The following AP3B1 variants were observed in gnomAD, a reference collection of about 807,000 sequenced individuals.
The protein encoded by AP3B1 is AP-3 complex subunit beta-1.
AP3B1 carries 61 observed loss-of-function variants against 132.5 expected under a neutral mutation model. The ratio of observed to expected loss-of-function variants is 0.46; its 90% confidence interval spans 0.37 to 0.57. The LOEUF is 0.57. Among genes scored for constraint, AP3B1 ranks in the 20% least tolerant of loss-of-function variants. The pLI is 0.00. For missense variants in AP3B1, 1,120 were observed against 1,289.4 expected (o/e 0.87, Z 2.01); for synonymous variants, 388 against 438.3 (o/e 0.89, Z 1.43).
At chr5:78,205,180 T>G (rs1340666783) in intron 7 of AP3B1, among the ~76,000 whole-genome samples, 1 of 152,044 alleles carries the variant, frequency 6.6e-6, no homozygotes, top group Non-Finnish European at 1.5e-5. Context: ...AAGATACAAT[T>G]TTTAAAATTA....
In AP3B1 at chr5:78,113,839, G is replaced by C. The variant is rs2112260253; in HGVS notation, c.2162C>G (p.Ser721Cys). ...DSNEDSSEDS[S>C]SEQDSESGRE... Reference sequence around the variant, plus strand: ...TCCACTCTCACTGTCCTGCTCACTGGAGGAGTCCTCACTGCTGTCCTCATT... The same window carrying C: ...TCCACTCTCACTGTCCTGCTCACTGCAGGAGTCCTCACTGCTGTCCTCATT... Residue 721 changes from serine (S) to cysteine (C), a missense_variant, in exon 19 of 27, where the codon TCC (serine) becomes TGC (cysteine). This residue lies in a region of AP3B1 where 906 missense variants were observed against 997.1 expected (regional missense o/e 0.91). Transcript: ENST00000255194. 8 of 1,614,118 alleles carry C rather than the reference G, an allele frequency of 5.0e-6. No individual in the cohort carries two copies. Among genetic ancestry groups the C allele is most frequent in the African/African-American group, 1.3e-5 (1 of 75,016 alleles).
At chr5:78,287,874 C>T (rs947521495) in intron 1 of AP3B1, among the ~76,000 whole-genome samples, 1 of 151,904 alleles carries the variant, frequency 6.6e-6, no homozygotes, top group African/African-American at 2.4e-5. Context: ...CAAGACAGAT[C>T]AGTTATCAAA....
chr5:78,062,384 G>T (rs773603843), intron 22 of AP3B1, among the ~76,000 whole-genome samples: 1 of 151,866 alleles, frequency 6.6e-6, no homozygotes, highest in Non-Finnish European at 1.5e-5. Flanking sequence ...TATCTCTTTG[G>T]GGTGGCCAGT....
At chr5:78,288,199 G>T (rs911773812) in intron 1 of AP3B1, among the ~76,000 whole-genome samples, 1 of 152,104 alleles carries the variant, frequency 6.6e-6, no homozygotes, top group African/African-American at 2.4e-5. Flanking sequence ...TTTTCAATAG[G>T]TATGCCACAC....
intron 7 of AP3B1, among the ~76,000 whole-genome samples, chr5:78,191,569 C>G (rs569646469): frequency 6.6e-6 from 1 of 152,032 alleles, no homozygotes; most frequent in South Asian, 2.1e-4. Flanking sequence ...CAGATAAAAG[C>G]CCAGCTTAAA....
intron 22 of AP3B1, among the ~76,000 whole-genome samples, chr5:78,045,725 C>T (rs1339311711): frequency 6.6e-6 from 1 of 152,098 alleles, no homozygotes; most frequent in Non-Finnish European, 1.5e-5. Context: ...TTCTTGACTT[C>T]ATATTTTATA....
At chr5:78,052,994 A>G (rs1286593300) in intron 22 of AP3B1, among the ~76,000 whole-genome samples, 6 of 152,240 alleles carry the variant, frequency 3.9e-5, no homozygotes, top group African/African-American at 1.2e-4. Context: ...GTAACTGGTT[A>G]TAACAAATTT....
intron 1 of AP3B1, among the ~76,000 whole-genome samples, chr5:78,284,916 C>T (rs1016694616): frequency 1.3e-5 from 2 of 152,170 alleles, no homozygotes; most frequent in African/African-American, 2.4e-5. Context: ...CATTCCTCTC[C>T]AAGTGCTGCT....
intron 22 of AP3B1, among the ~76,000 whole-genome samples, chr5:78,072,453 T>C (rs1347945788): frequency 2.6e-5 from 4 of 152,202 alleles, no homozygotes. Flanking sequence ...GTATCGCTTT[T>C]AAATCTCTCT....
At chr5:78,219,434 G>A (rs1355773273) in intron 6 of AP3B1, among the ~76,000 whole-genome samples, 1 of 152,042 alleles carries the variant, frequency 6.6e-6, no homozygotes, top group East Asian at 1.9e-4. Context: ...GTAGGAAAGT[G>A]TTTAGGACAT....
chr5:78,175,314 A>G (rs1232785987), intron 11 of AP3B1, among the ~76,000 whole-genome samples: 4 of 152,128 alleles, frequency 2.6e-5, no homozygotes, highest in African/African-American at 7.2e-5. Flanking sequence ...TCATGGTGGG[A>G]GCTGCAGACT....
At chr5:78,087,450 G>A (rs540612272) in intron 22 of AP3B1, 10 of 811,014 alleles carry the variant, frequency 1.2e-5, no homozygotes, top group South Asian at 5.6e-5. Context: ...ATTTCTACAC[G>A]TTCCATTTTT....
chr5:78,268,344 T>C (rs1748413629), intron 1 of AP3B1, among the ~76,000 whole-genome samples: 2 of 152,124 alleles, frequency 1.3e-5, no homozygotes. Flanking sequence ...TGTATACTTT[T>C]ATAATGAAAA....
intron 15 of AP3B1, 94 bp downstream of exon 15, chr5:78,141,045 TTGAA>T: frequency 8.9e-7 from 1 of 1,117,804 alleles, no homozygotes; most frequent in Non-Finnish European, 1.4e-6. Context: ...CTAGAAATTG[TTGAA>T]TGGTCAGACT....
chr5:78,267,909 A>G (rs1198103962), intron 1 of AP3B1, among the ~76,000 whole-genome samples: 2 of 152,212 alleles, frequency 1.3e-5, no homozygotes, highest in African/African-American at 4.8e-5. Context: ...CTGTCATTGC[A>G]AGAAAAAAAT....
At chr5:78,112,609 G>A (rs1751644465) in intron 19 of AP3B1, among the ~76,000 whole-genome samples, 1 of 152,154 alleles carries the variant, frequency 6.6e-6, no homozygotes, top group Non-Finnish European at 1.5e-5. Context: ...TAGACATGCT[G>A]ATATTAAAGC....
chr5:78,211,074 T>G (rs748277116), intron 7 of AP3B1, among the ~76,000 whole-genome samples: 3 of 152,320 alleles, frequency 2.0e-5, no homozygotes, highest in African/African-American at 4.8e-5. Context: ...TCTCTTGAAT[T>G]TATTAACCTA....
intron 3 of AP3B1, among the ~76,000 whole-genome samples, chr5:78,231,292 G>C (rs1463687806): frequency 2.0e-5 from 3 of 151,954 alleles, no homozygotes; most frequent in Admixed American, 2.0e-4. Context: ...TCCTGCCTCA[G>C]CTTCCCAAGT....
rs368919397 is a variant in AP3B1 at position 78,223,023 on chromosome 5, G to T, written c.603+2519C>A. 2.0e-3 allele frequency among the ~76,000 whole-genome samples: 193 copies of T among 98,432 alleles called. 1 individual carries two copies. The highest frequency in any genetic ancestry group is 6.9e-3 in the African/African-American group (178 of 25,958). The allele number at this position is 98,432 out of a possible 152,430, so 64.6% of individuals were successfully genotyped here. Reference sequence around the variant, plus strand: ...TTCTTGTTTTTTTGTTTGTTTGTTTGTTTCTTTTTTTTTTTTTGTAGAGAC... The same window carrying T: ...TTCTTGTTTTTTTGTTTGTTTGTTTTTTTCTTTTTTTTTTTTTGTAGAGAC... On this transcript the variant is annotated intron_variant, in intron 6 of 26. Coordinates refer to ENST00000255194, the MANE Select transcript of AP3B1 (RefSeq NM_003664.5).
Sources: gnomAD v4.1 joint callset for allele counts (sites outside exome capture counted in the v4.1 genomes callset) on GRCh38, gnomAD v4.1.1 for gene constraint, gnomAD v4.1.1 regional missense constraint, MANE v1.5 for transcripts, NCBI Gene and HGNC (gene_info 2026-07-23, HGNC 2026-07-21) for gene names.